The following MINPP1 variants were observed in gnomAD, a reference collection of about 807,000 sequenced individuals.
The protein encoded by MINPP1 is multiple inositol-polyphosphate phosphatase 1, also known as multiple inositol polyphosphate phosphatase 1.
In MINPP1, 28 loss-of-function variants were observed where a neutral mutation model predicts 46.1. That is an observed-to-expected ratio of 0.61 (90% CI 0.45 to 0.83). MINPP1 has a LOEUF of 0.83. MINPP1 is among the 40% of genes least tolerant of loss of function. The probability of loss-of-function intolerance (pLI) is 0.00; values close to 1 mark genes in which losing one functional copy is unlikely to be tolerated. For missense variants in MINPP1, 603 were observed against 610.0 expected (o/e 0.99, Z 0.12); for synonymous variants, 268 against 249.1 (o/e 1.08, Z -0.72).
At chr10:87,542,432 T>A (rs978951141) in intron 4 of MINPP1, among the ~76,000 whole-genome samples, 8 of 152,040 alleles carry the variant, frequency 5.3e-5, no homozygotes, top group African/African-American at 1.4e-4. Context: ...CCCAGGTAGC[T>A]AGGACCTCAG....
intron 4 of MINPP1, among the ~76,000 whole-genome samples, chr10:87,538,890 A>G (rs1274452518): frequency 6.6e-6 from 1 of 152,242 alleles, no homozygotes; most frequent in African/African-American, 2.4e-5. Context: ...GGGGGAAAAC[A>G]TGCAATTATT....
Position 87,527,048 on chromosome 10 carries a change from C to T in MINPP1, c.1067+5879C>T, listed in dbSNP as rs549406875. On this transcript the variant is annotated intron_variant, in intron 4 of 4. Coordinates refer to ENST00000371996, the MANE Select transcript of MINPP1 (RefSeq NM_004897.5). ...ATGTGGGCTCTTTTTTGGTTCCATG[C>T]GAACTTTAAAGTAGTTTTTTCCAAT... is the stretch of plus-strand genomic sequence containing the variant. 2.1e-4 allele frequency among the ~76,000 whole-genome samples: 32 copies of T among 152,022 alleles called. 1 individual carries two copies. The highest frequency in any genetic ancestry group is 2.8e-4 in the Non-Finnish European group (19 of 67,956).
intron 4 of MINPP1, among the ~76,000 whole-genome samples, chr10:87,543,373 C>G (rs1851843225): frequency 6.6e-6 from 1 of 152,092 alleles, no homozygotes; most frequent in Admixed American, 6.5e-5. Context: ...GTTATCATGG[C>G]CAGGGCACAG....
intron 4 of MINPP1, among the ~76,000 whole-genome samples, chr10:87,543,522 G>A (rs185210768): frequency 4.7e-4 from 71 of 152,214 alleles, no homozygotes; most frequent in African/African-American, 1.7e-3. Flanking sequence ...GGGTGTGGTG[G>A]TGCATGCCTG....
Position 87,552,857 on chromosome 10 carries a change from C to G in MINPP1, c.*379C>G, listed in dbSNP as rs1261219078. 4.6e-6 allele frequency: 1 copy of G among 218,182 alleles called. No homozygotes were observed. The highest frequency in any genetic ancestry group is 1.2e-4 in the East Asian group (1 of 8,480). 13.5% of individuals were successfully genotyped at this position (218,182 alleles called of 1,614,324 possible). A position where few individuals can be genotyped will look rare whatever the true frequency, so the allele number is the denominator to read the frequency against. ...ACCATCCTTAACTTGATTGAACTGT[C>G]TAGGAACTTTACAGATTGTTCTGCA... On this transcript the variant is annotated 3_prime_UTR_variant, in exon 5 of 5. Transcript: ENST00000371996.
chr10:87,525,975 T>C (rs894769099), intron 4 of MINPP1, among the ~76,000 whole-genome samples: 3 of 152,242 alleles, frequency 2.0e-5, no homozygotes, highest in African/African-American at 7.2e-5. Context: ...TGTGGGTTGG[T>C]TCCAAGTCTT....
chr10:87,508,806 C>A (rs1047893252), intron 2 of MINPP1, among the ~76,000 whole-genome samples: 1 of 152,118 alleles, frequency 6.6e-6, no homozygotes, highest in Admixed American at 6.5e-5. Context: ...AAAGCCTCAA[C>A]TGTAGGCATT....
intron 4 of MINPP1, among the ~76,000 whole-genome samples, chr10:87,535,575 G>C (rs572394673): frequency 2.2e-4 from 34 of 152,210 alleles, no homozygotes; most frequent in Middle Eastern, 3.4e-3. Context: ...TAAGCTGTTA[G>C]GGTGTTATCT....
At position 87,505,609 on chromosome 10, in the gene MINPP1, C is replaced by T; in HGVS notation, c.637+57C>T. 1 of 1,503,554 alleles carries T rather than the reference C, an allele frequency of 6.7e-7. No homozygotes were observed. Among genetic ancestry groups the T allele is most frequent in the Middle Eastern group, 2.3e-4 (1 of 4,288 alleles). 93.1% of individuals were successfully genotyped at this position (1,503,554 alleles called of 1,614,324 possible). A position where few individuals can be genotyped will look rare whatever the true frequency, so the allele number is the denominator to read the frequency against. On this transcript the variant is annotated intron_variant, in intron 1 of 4. Coordinates refer to ENST00000371996, the MANE Select transcript of MINPP1 (RefSeq NM_004897.5). This position sits in a 1 kb window ranked among gnomAD's most constrained non-coding sequence, Gnocchi z 4.4. ...GGTCCTCCCACCCGCCCTGGATGCT[C>T]TCCCGCCTCCCCCAGACCCTGGGCT...
chr10:87,551,150 A>G (rs1414346725), intron 4 of MINPP1, among the ~76,000 whole-genome samples: 2 of 151,818 alleles, frequency 1.3e-5, no homozygotes, highest in African/African-American at 2.4e-5. Context: ...AATGTTTCCC[A>G]TGGGTTTTTG....
At chr10:87,548,644 T>C (rs1851921347) in intron 4 of MINPP1, among the ~76,000 whole-genome samples, 1 of 151,984 alleles carries the variant, frequency 6.6e-6, no homozygotes, top group African/African-American at 2.4e-5. Context: ...TATACTTGGT[T>C]ATTGTAAAAA....
intron 1 of MINPP1, chr10:87,508,082 C>A: frequency 6.8e-7 from 1 of 1,480,070 alleles, no homozygotes; most frequent in Non-Finnish European, 8.9e-7. Context: ...AATTTCATTG[C>A]GTAGCATCTC....
chr10:87,512,410 G>T lies in MINPP1; in HGVS notation c.836-714G>T, dbSNP rs141242232. On this transcript the variant is annotated intron_variant, in intron 2 of 4. Transcript: ENST00000371996. The stretch of plus-strand genomic sequence containing the variant: ...TTCCCTTTTTGTGCTTCTCCTCCTT[G>T]GCTGTCTCTCCTTTCTCCTTCCCCC... Among the ~76,000 whole-genome samples, 835 of 151,900 alleles carry T rather than the reference G, an allele frequency of 5.5e-3. 12 individuals are homozygous for T. Among genetic ancestry groups the T allele is most frequent in the African/African-American group, 0.019 (784 of 41,382 alleles).
At position 87,524,082 on chromosome 10, in the gene MINPP1, T is replaced by C. The variant is rs191498247; in HGVS notation, c.1067+2913T>C. ...CTAACAAGAGAGTCATCCTATCCTT[T>C]GAAGCCAGACATTGATGTTCTAGAT... On this transcript the variant is annotated intron_variant, in intron 4 of 4. Coordinates refer to ENST00000371996, the MANE Select transcript of MINPP1 (RefSeq NM_004897.5). Among the ~76,000 whole-genome samples, 18 of 152,354 alleles carry C rather than the reference T, an allele frequency of 1.2e-4. 1 individual carries two copies. The East Asian group carries it at 3.1e-3, about 26-fold the overall frequency.
chr10:87,516,990 G>T (rs1440421543), intron 3 of MINPP1, among the ~76,000 whole-genome samples: 2 of 151,922 alleles, frequency 1.3e-5, no homozygotes, highest in African/African-American at 2.4e-5. Context: ...AAGTTTTTAA[G>T]ATTTATTTGG....
At chr10:87,549,584 A>G (rs1260357588) in intron 4 of MINPP1, among the ~76,000 whole-genome samples, 2 of 152,220 alleles carry the variant, frequency 1.3e-5, no homozygotes, top group Admixed American at 6.6e-5. Flanking sequence ...AAGTTTACTA[A>G]TGGCGTATAA....
intron 2 of MINPP1, among the ~76,000 whole-genome samples, chr10:87,512,194 A>G (rs540571105): frequency 2.6e-5 from 4 of 152,354 alleles, no homozygotes; most frequent in Admixed American, 6.5e-5. Context: ...GCTACTTTTT[A>G]TAGCCCAAGC....
chr10:87,542,635 T>C (rs1295613643), intron 4 of MINPP1, among the ~76,000 whole-genome samples: 1 of 152,082 alleles, frequency 6.6e-6, no homozygotes, highest in Non-Finnish European at 1.5e-5. Context: ...ACAGTTTCCT[T>C]CTTGCCATGT....
chr10:87,507,569 A>G (rs1851270966), intron 1 of MINPP1, among the ~76,000 whole-genome samples: 1 of 152,166 alleles, frequency 6.6e-6, no homozygotes, highest in South Asian at 2.1e-4. Context: ...TACAAAAATG[A>G]TATACTTGGT....
Sources: gnomAD v4.1 joint callset for allele counts (sites outside exome capture counted in the v4.1 genomes callset) on GRCh38, gnomAD v4.1.1 for gene constraint, Gnocchi (gnomAD v3.1) non-coding constraint, MANE v1.5 for transcripts, NCBI Gene and HGNC (gene_info 2026-07-23, HGNC 2026-07-21) for gene names.